NELL1: variants seen among roughly 807,000 people sequenced by gnomAD.
The protein encoded by NELL1 is neural EGFL like 1.
A neutral mutation model predicts 107.4 loss-of-function variants in NELL1; 76 were observed. That is an observed-to-expected ratio of 0.71 (90% CI 0.59 to 0.86). The LOEUF is 0.86. Among genes scored for constraint, NELL1 ranks in the 40% least tolerant of loss-of-function variants. The pLI, the probability that NELL1 is intolerant of heterozygous loss-of-function variation, is 0.00. For synonymous variants in NELL1, 353 were observed against 341.2 expected (o/e 1.03, Z -0.38); for missense variants, 1,024 against 1,005.5 (o/e 1.02, Z -0.25).
At chr11:21,102,699 G>A (rs745379122) in intron 12 of NELL1, among the ~76,000 whole-genome samples, 82 of 152,222 alleles carry the variant, frequency 5.4e-4, no homozygotes, top group Middle Eastern at 6.8e-3. Context: ...TGGACATTAT[G>A]GGCACCAGAT....
chr11:20,680,224 T>C (rs1422963006), intron 2 of NELL1, among the ~76,000 whole-genome samples: 2 of 152,108 alleles, frequency 1.3e-5, no homozygotes, highest in African/African-American at 2.4e-5. Context: ...ATTCTGTCAA[T>C]TAGCACCTGG....
intron 12 of NELL1, among the ~76,000 whole-genome samples, chr11:20,977,043 T>A (rs1851652066): frequency 6.6e-6 from 1 of 152,104 alleles, no homozygotes. Flanking sequence ...TTTCTGAATA[T>A]GTGGCCATTA....
At chr11:21,023,797 C>T (rs191838352) in intron 12 of NELL1, among the ~76,000 whole-genome samples, 1 of 152,164 alleles carries the variant, frequency 6.6e-6, no homozygotes, top group East Asian at 1.9e-4. Flanking sequence ...GGTGTGGTGT[C>T]ATTGTCCTGG....
intron 16 of NELL1, 78 bp downstream of exon 16, chr11:21,534,592 C>T (rs920926384): frequency 4.8e-6 from 7 of 1,448,220 alleles, no homozygotes; most frequent in African/African-American, 1.4e-5. Flanking sequence ...CTCTGTTCAG[C>T]TCCCAGTGTT....
intron 14 of NELL1, among the ~76,000 whole-genome samples, chr11:21,340,122 A>G (rs1372118165): frequency 6.6e-6 from 1 of 152,050 alleles, no homozygotes; most frequent in Non-Finnish European, 1.5e-5. Context: ...ACACAAGGTT[A>G]TTATTTTTGC....
chr11:21,448,040 A>G (rs958209757), intron 15 of NELL1, among the ~76,000 whole-genome samples: 2 of 152,158 alleles, frequency 1.3e-5, no homozygotes, highest in Non-Finnish European at 2.9e-5. Flanking sequence ...AAACGCACAG[A>G]TTCTCTCTGA....
At chr11:20,743,863 T>C (rs1043655722) in intron 2 of NELL1, among the ~76,000 whole-genome samples, 1 of 152,160 alleles carries the variant, frequency 6.6e-6, no homozygotes, top group African/African-American at 2.4e-5. Context: ...ATCTCAAACA[T>C]GGTATGCCAA....
intron 12 of NELL1, among the ~76,000 whole-genome samples, chr11:21,066,644 A>G (rs545549347): frequency 4.6e-5 from 7 of 152,298 alleles, no homozygotes; most frequent in East Asian, 3.9e-4. Flanking sequence ...CTGAGTATAT[A>G]TAACACTGAA....
At chr11:20,774,540 T>C (rs1856711220) in intron 2 of NELL1, among the ~76,000 whole-genome samples, 1 of 79,802 alleles carries the variant, frequency 1.3e-5, no homozygotes. Context: ...TCTACTTTTC[T>C]TATATCTCTG....
intron 3 of NELL1, among the ~76,000 whole-genome samples, chr11:20,821,720 C>T (rs918406053): frequency 6.6e-6 from 1 of 152,218 alleles, no homozygotes; most frequent in African/African-American, 2.4e-5. Context: ...AATGTTCAAA[C>T]ACTTTAATTA....
At chr11:20,737,903 A>T (rs1855798800) in intron 2 of NELL1, among the ~76,000 whole-genome samples, 1 of 151,066 alleles carries the variant, frequency 6.6e-6, no homozygotes, top group African/African-American at 2.4e-5. Context: ...ACGATCAGGA[A>T]TTATAGTTTA....
chr11:21,550,819 T>C (rs1474129327), intron 16 of NELL1, among the ~76,000 whole-genome samples: 1 of 152,040 alleles, frequency 6.6e-6, no homozygotes, highest in Non-Finnish European at 1.5e-5. Flanking sequence ...GTCTTGGCAA[T>C]GCAGGCTCTT....
chr11:21,405,407 T>G (rs1220725309), intron 15 of NELL1, among the ~76,000 whole-genome samples: 1 of 149,520 alleles, frequency 6.7e-6, no homozygotes, highest in African/African-American at 2.5e-5. Flanking sequence ...TTTTTTCTGT[T>G]GTGTTTATTA....
intron 15 of NELL1, among the ~76,000 whole-genome samples, chr11:21,433,198 C>G (rs558901401): frequency 3.3e-5 from 5 of 152,188 alleles, no homozygotes; most frequent in Admixed American, 2.0e-4. Flanking sequence ...CATATTGCCA[C>G]AAATGACAGG....
In NELL1 at chr11:20,747,081, A is replaced by C. The variant is rs554808990; in HGVS notation, c.185-36599A>C. ...ATGCCTGACTTCCTTTTTATAGAAC[A>C]CCTGGCACATATAATAATTTTTGAG... On this transcript the variant is annotated intron_variant, in intron 2 of 19. Transcript: ENST00000357134. Among the ~76,000 whole-genome samples, 15 of 152,272 alleles carry C rather than the reference A, an allele frequency of 9.9e-5. No individual in the cohort carries two copies. In the East Asian group the frequency reaches 2.9e-3, roughly 29 times the overall value.
intron 2 of NELL1, among the ~76,000 whole-genome samples, chr11:20,753,035 A>G (rs1590261361): frequency 6.6e-6 from 1 of 152,248 alleles, no homozygotes; most frequent in East Asian, 1.9e-4. Context: ...TTAATACAGT[A>G]CAGTATAAAG....
At chr11:20,815,152 C>G (rs914274404) in intron 3 of NELL1, among the ~76,000 whole-genome samples, 6 of 152,120 alleles carry the variant, frequency 3.9e-5, no homozygotes, top group African/African-American at 1.4e-4. Context: ...GCAACCTCCA[C>G]CTCCCGGGTT....
At chr11:21,231,185 G>T (rs527648719) in intron 14 of NELL1, among the ~76,000 whole-genome samples, 1 of 151,892 alleles carries the variant, frequency 6.6e-6, no homozygotes, top group East Asian at 1.9e-4. Context: ...TTCAAGTTCA[G>T]AACAATATAG....
chr11:20,743,811 T>C (rs2133936815), intron 2 of NELL1, among the ~76,000 whole-genome samples: 1 of 152,284 alleles, frequency 6.6e-6, no homozygotes, highest in Non-Finnish European at 1.5e-5. Context: ...CTCACACCAC[T>C]TCCCTGAAAG....
Sources: allele counts gnomAD v4.1 joint callset (sites outside exome capture counted in the v4.1 genomes callset), GRCh38; gene constraint gnomAD v4.1.1; transcripts MANE v1.5; gene names NCBI Gene and HGNC (gene_info 2026-07-23, HGNC 2026-07-21).